PTPRM: variants seen among roughly 807,000 people sequenced by gnomAD.
PTPRM encodes the protein protein tyrosine phosphatase receptor type M, also known as receptor-type tyrosine-protein phosphatase mu.
In PTPRM, 47 loss-of-function variants were observed where a neutral mutation model predicts 186.7. That is an observed-to-expected ratio of 0.25 (90% confidence interval 0.20 to 0.32). The LOEUF is 0.32. Ranked by LOEUF, PTPRM falls within the 10% of genes least tolerant of loss-of-function variation. The pLI is 1.00. For missense variants in PTPRM, 1,494 were observed against 1,865.0 expected (o/e 0.80, Z 3.66); for synonymous variants, 668 against 674.9 (o/e 0.99, Z 0.16).
intron 11 of PTPRM, among the ~76,000 whole-genome samples, chr18:8,111,626 A>G (rs2091761045): frequency 6.8e-6 from 1 of 147,740 alleles, no homozygotes; most frequent in Admixed American, 6.7e-5. Flanking sequence ...AAAAAAAATT[A>G]TTTTATTAAA....
At chr18:7,687,783 T>TG (rs1455616427) in intron 1 of PTPRM, among the ~76,000 whole-genome samples, 1 of 151,818 alleles carries the variant, frequency 6.6e-6, no homozygotes, top group Non-Finnish European at 1.5e-5. Flanking sequence ...ATAAGATTTT[T>TG]TTTTTTTTTT....
chr18:7,704,241 G>T (rs2144730244), intron 1 of PTPRM, among the ~76,000 whole-genome samples: 1 of 152,284 alleles, frequency 6.6e-6, no homozygotes, highest in South Asian at 2.1e-4. Flanking sequence ...AGTTCCAGAA[G>T]GAATGGTACC....
intron 5 of PTPRM, among the ~76,000 whole-genome samples, chr18:7,944,325 TC>T (rs1483560868): frequency 1.3e-5 from 2 of 152,304 alleles, no homozygotes; most frequent in East Asian, 3.9e-4. Context: ...TTAGGTTCCG[TC>T]CCTTTGTTTC....
chr18:7,804,296 C>A (rs532729189), intron 2 of PTPRM, among the ~76,000 whole-genome samples: 1 of 152,082 alleles, frequency 6.6e-6, no homozygotes, highest in Admixed American at 6.6e-5. Context: ...GGAGTTGAGT[C>A]TCACTAGACC....
chr18:8,394,786 C>T (rs1276158344), intron 32 of PTPRM, among the ~76,000 whole-genome samples, 175 bp downstream of exon 32: 1 of 152,204 alleles, frequency 6.6e-6, no homozygotes, highest in Admixed American at 6.5e-5. Context: ...CCCTCTTCCT[C>T]TCTTTGTTCT....
At position 7,567,919 on chromosome 18, in the gene PTPRM, G is replaced by C; in HGVS notation, c.73+28G>C. 6.5e-7 allele frequency: 1 copy of C among 1,534,714 alleles called. No homozygotes were observed. The highest frequency in any genetic ancestry group is 8.7e-7 in the Non-Finnish European group (1 of 1,150,300). ...AAGCGGGACCGCCTCTGCCGCCCCC[G>C]AGGCGCGCGGGCCGGCGCGGGACGC... On this transcript the variant is annotated intron_variant, in intron 1 of 32. Transcript: ENST00000580170. The surrounding 1 kb of genome is among the most constrained non-coding windows in gnomAD (Gnocchi z 4.3).
intron 1 of PTPRM, among the ~76,000 whole-genome samples, chr18:7,646,296 C>G (rs2038560606): frequency 6.6e-6 from 1 of 152,136 alleles, no homozygotes; most frequent in Non-Finnish European, 1.5e-5. Flanking sequence ...ATTGCAGAGT[C>G]ACACACACCT....
chr18:8,018,421 C>A (rs76651227), intron 7 of PTPRM, among the ~76,000 whole-genome samples: 2 of 152,174 alleles, frequency 1.3e-5, no homozygotes, highest in African/African-American at 4.8e-5. Context: ...TTGCTTGTTA[C>A]GCACCCCTCA....
chr18:8,400,703 G>C (rs566207219), intron 32 of PTPRM, among the ~76,000 whole-genome samples: 3 of 152,084 alleles, frequency 2.0e-5, no homozygotes, highest in Admixed American at 1.3e-4. Flanking sequence ...ACTTACAGCC[G>C]ACCCTCCAGA....
At chr18:7,834,028 G>A (rs942836536) in intron 2 of PTPRM, among the ~76,000 whole-genome samples, 4 of 151,980 alleles carry the variant, frequency 2.6e-5, no homozygotes, top group African/African-American at 9.7e-5. Context: ...GGGAGTTCTT[G>A]TCATGTTCTA....
intron 7 of PTPRM, among the ~76,000 whole-genome samples, chr18:7,991,480 G>A (rs2083267382): frequency 6.6e-6 from 1 of 152,164 alleles, no homozygotes; most frequent in African/African-American, 2.4e-5. Flanking sequence ...GCAATCTTCA[G>A]AAGTAGTAAA....
Position 7,906,628 on chromosome 18 carries a change from CA to C in PTPRM, c.547+46del, listed in dbSNP as rs760770183. On this transcript the variant is annotated intron_variant, in intron 4 of 32. Coordinates refer to ENST00000580170, the MANE Select transcript of PTPRM (RefSeq NM_001105244.2). ...AAATATTCGGGTACATCATTGGGGG[CA>C]TGTTTACATTATGAATGAAGAGAAG... The C allele has an allele frequency of 2.4e-5, 33 of 1,402,320 alleles. 1 individual carries two copies. The South Asian group carries it at 3.8e-4, about 16-fold the overall frequency. 86.9% of individuals were successfully genotyped at this position (1,402,320 alleles called of 1,614,324 possible).
chr18:8,160,487 G>T (rs2093209712), intron 14 of PTPRM, among the ~76,000 whole-genome samples: 2 of 152,022 alleles, frequency 1.3e-5, no homozygotes, highest in Admixed American at 6.6e-5. Context: ...TAGAGACAGG[G>T]TGTTGCCATG....
At chr18:7,706,860 A>G (rs1374861222) in intron 1 of PTPRM, among the ~76,000 whole-genome samples, 3 of 152,152 alleles carry the variant, frequency 2.0e-5, no homozygotes, top group Non-Finnish European at 2.9e-5. Flanking sequence ...TTAAAAAACT[A>G]TGGAAAGAAA....
chr18:7,638,020 A>T lies in PTPRM; in HGVS notation c.73+70129A>T, dbSNP rs368234028. On this transcript the variant is annotated intron_variant, in intron 1 of 32. Transcript: ENST00000580170. The stretch of plus-strand genomic sequence containing the variant: ...AAAGTTCTCTATACTTTTATTAATC[A>T]TAACATTTCTTTAGGCCATTTCAGC... Among the ~76,000 whole-genome samples the T allele has an allele frequency of 3.2e-4, 49 of 152,322 alleles. 1 individual carries two copies. Among genetic ancestry groups the T allele is most frequent in the African/African-American group, 1.1e-3 (46 of 41,574 alleles).
At chr18:7,610,673 G>A (rs2037649982) in intron 1 of PTPRM, among the ~76,000 whole-genome samples, 1 of 152,138 alleles carries the variant, frequency 6.6e-6, no homozygotes, top group African/African-American at 2.4e-5. Context: ...GTAGCACAAC[G>A]CATTATTTGT....
At chr18:7,785,595 G>A (rs1157717038) in intron 2 of PTPRM, among the ~76,000 whole-genome samples, 2 of 152,168 alleles carry the variant, frequency 1.3e-5, no homozygotes, top group African/African-American at 4.8e-5. Context: ...GACATTAATT[G>A]AGGTACACCG....
At chr18:8,372,216 C>T (rs542466149) in intron 24 of PTPRM, among the ~76,000 whole-genome samples, 5 of 147,680 alleles carry the variant, frequency 3.4e-5, no homozygotes, top group East Asian at 2.0e-4. Flanking sequence ...GGACTACAGG[C>T]GCCCGCCACC....
intron 14 of PTPRM, among the ~76,000 whole-genome samples, chr18:8,240,777 GGAGAGAGAGAGA>G (rs747648655): frequency 3.3e-4 from 19 of 57,342 alleles, no homozygotes; most frequent in Middle Eastern, 8.3e-3. Flanking sequence ...AGAGAGAGAG[GGAGAGAGAGAGA>G]GAGAGAGAGA....
Sources: allele counts gnomAD v4.1 joint callset (sites outside exome capture counted in the v4.1 genomes callset), GRCh38; gene constraint gnomAD v4.1.1; non-coding constraint Gnocchi (gnomAD v3.1); transcripts MANE v1.5; gene names NCBI Gene and HGNC (gene_info 2026-07-23, HGNC 2026-07-21).